Variants in CALD1 observed in about 807,000 individuals in gnomAD.
The protein encoded by CALD1 is caldesmon.
Under a neutral mutation model 99.9 loss-of-function variants are expected in CALD1, and 33 were observed. The observed-to-expected ratio is 0.33, with a 90% CI of 0.25 to 0.44. CALD1 has a LOEUF of 0.44. Ranked by LOEUF, CALD1 falls within the 20% of genes least tolerant of loss-of-function variation. The probability of loss-of-function intolerance (pLI) is 1.00; values close to 1 mark genes in which losing one functional copy is unlikely to be tolerated. For synonymous variants in CALD1, 310 were observed against 325.0 expected (o/e 0.95, Z 0.50); for missense variants, 861 against 962.1 (o/e 0.89, Z 1.39).
intron 2 of CALD1, among the ~76,000 whole-genome samples, chr7:134,861,890 G>A (rs1167214871): frequency 1.3e-5 from 2 of 152,168 alleles, no homozygotes; most frequent in Non-Finnish European, 2.9e-5. Flanking sequence ...TGGGTTAGAG[G>A]AGGAAGATGT....
chr7:134,959,516 A>AT (rs1053203622), intron 11 of CALD1, among the ~76,000 whole-genome samples: 21 of 151,996 alleles, frequency 1.4e-4, no homozygotes, highest in East Asian at 7.7e-4. Flanking sequence ...TAATTTTTTC[A>AT]TTTTTTTCTC....
At chr7:134,797,635 C>T (rs2131820312) in intron 1 of CALD1, among the ~76,000 whole-genome samples, 1 of 152,248 alleles carries the variant, frequency 6.6e-6, no homozygotes, top group South Asian at 2.1e-4. Context: ...GCTCTGTGGC[C>T]AGGCTGGAGT....
At position 134,891,523 on chromosome 7, in the gene CALD1, T is replaced by C. The variant is rs977966716; in HGVS notation, c.71+23719T>C. Reference sequence around the variant, plus strand: ...CTGCACCGTGCATTTCAGCCACAGATCACATGGCCCCTCCGCGGGCCCAGC... The same window carrying C: ...CTGCACCGTGCATTTCAGCCACAGACCACATGGCCCCTCCGCGGGCCCAGC... On this transcript the variant is annotated intron_variant, in intron 3 of 14. Coordinates refer to ENST00000361675, the MANE Select transcript of CALD1 (RefSeq NM_033138.4). 7.3e-6 allele frequency: 11 copies of C among 1,509,938 alleles called. No individual in the cohort carries two copies. In the South Asian group the frequency reaches 1.0e-4, roughly 14 times the overall value. 93.5% of individuals were successfully genotyped at this position (1,509,938 alleles called of 1,614,324 possible).
intron 3 of CALD1, among the ~76,000 whole-genome samples, chr7:134,873,246 T>G (rs1801189907): frequency 6.6e-6 from 1 of 152,002 alleles, no homozygotes; most frequent in Non-Finnish European, 1.5e-5. Context: ...ATATTCTGCT[T>G]CCCTTTCTGT....
chr7:134,820,541 T>A (rs1316724942), intron 1 of CALD1, among the ~76,000 whole-genome samples: 1 of 152,238 alleles, frequency 6.6e-6, no homozygotes, highest in African/African-American at 2.4e-5. Flanking sequence ...AACGTCATAT[T>A]ACAAGGAGAA....
chr7:134,921,294 C>T (rs1804602654), intron 3 of CALD1, among the ~76,000 whole-genome samples: 1 of 152,162 alleles, frequency 6.6e-6, no homozygotes, highest in South Asian at 2.1e-4. Context: ...TTTTATAAAA[C>T]ACTTTATCAA....
At chr7:134,898,259 G>A (rs1005223998) in intron 3 of CALD1, among the ~76,000 whole-genome samples, 16 of 152,212 alleles carry the variant, frequency 1.1e-4, no homozygotes, top group African/African-American at 3.9e-4. Context: ...CACAGGGTGA[G>A]CAAGAACATC....
intron 3 of CALD1, among the ~76,000 whole-genome samples, chr7:134,907,352 T>C (rs1803466570): frequency 6.6e-6 from 1 of 151,726 alleles, no homozygotes; most frequent in South Asian, 2.1e-4. Flanking sequence ...GTAGAGAAAG[T>C]AGCCCTGTAA....
At chr7:134,845,700 G>T (rs1799823992) in intron 2 of CALD1, among the ~76,000 whole-genome samples, 1 of 152,242 alleles carries the variant, frequency 6.6e-6, no homozygotes, top group Non-Finnish European at 1.5e-5. Context: ...GCAGGAAGCA[G>T]CAGTGTGTCA....
At chr7:134,773,660 G>A (rs780428034) in intron 1 of CALD1, among the ~76,000 whole-genome samples, 80 of 152,150 alleles carry the variant, frequency 5.3e-4, no homozygotes, top group Admixed American at 3.5e-3. Flanking sequence ...TCTGTTCTCT[G>A]AAAGTGCCTT....
At chr7:134,772,087 T>C (rs570431553) in intron 1 of CALD1, among the ~76,000 whole-genome samples, 7 of 140,066 alleles carry the variant, frequency 5.0e-5, no homozygotes, top group African/African-American at 1.6e-4. Flanking sequence ...AATCAAAGAA[T>C]AAATGAACTT....
intron 1 of CALD1, among the ~76,000 whole-genome samples, chr7:134,832,605 C>G (rs1271570895): frequency 6.6e-6 from 1 of 152,152 alleles, no homozygotes; most frequent in Admixed American, 6.5e-5. Flanking sequence ...GTTCAAACAG[C>G]CTAAGAACAT....
chr7:134,939,312 G>A (rs567492801), intron 6 of CALD1, among the ~76,000 whole-genome samples: 53 of 152,262 alleles, frequency 3.5e-4, no homozygotes, highest in Non-Finnish European at 5.4e-4. Flanking sequence ...TGAAAAATTC[G>A]GAAGGAATCA....
At chr7:134,925,648 TTCAC>T (rs974018615) in intron 3 of CALD1, among the ~76,000 whole-genome samples, 6 of 151,978 alleles carry the variant, frequency 3.9e-5, no homozygotes, top group African/African-American at 1.5e-4. Flanking sequence ...CTTGAGAGAA[TTCAC>T]TCACTGTCAC....
At chr7:134,919,799 A>G (rs186371561) in intron 3 of CALD1, among the ~76,000 whole-genome samples, 128 of 152,236 alleles carry the variant, frequency 8.4e-4, no homozygotes, top group African/African-American at 2.8e-3. Context: ...TTTCCATGAA[A>G]ATTTTTTTTC....
At chr7:134,827,644 G>C (rs1246128886) in intron 1 of CALD1, among the ~76,000 whole-genome samples, 1 of 152,250 alleles carries the variant, frequency 6.6e-6, no homozygotes, top group Non-Finnish European at 1.5e-5. Flanking sequence ...ACAGGAAAGA[G>C]TGAGGACCAT....
intron 3 of CALD1, among the ~76,000 whole-genome samples, chr7:134,908,668 T>A (rs1362634939): frequency 6.6e-6 from 1 of 152,204 alleles, no homozygotes; most frequent in Admixed American, 6.5e-5. Flanking sequence ...TCTTAGGCAC[T>A]TCTCCAGGCA....
intron 1 of CALD1, among the ~76,000 whole-genome samples, chr7:134,807,198 T>C (rs1798175804): frequency 6.6e-6 from 1 of 152,148 alleles, no homozygotes; most frequent in Admixed American, 6.5e-5. Context: ...AAAATGGAAA[T>C]ATTGCTCCTT....
At chr7:134,833,118 T>C (rs1799297420) in intron 1 of CALD1, among the ~76,000 whole-genome samples, 1 of 152,206 alleles carries the variant, frequency 6.6e-6, no homozygotes, top group African/African-American at 2.4e-5. Context: ...CCAACAGTTA[T>C]TTGGTGGCAA....
Sources: allele counts gnomAD v4.1 joint callset (sites outside exome capture counted in the v4.1 genomes callset), GRCh38; gene constraint gnomAD v4.1.1; transcripts MANE v1.5; gene names NCBI Gene and HGNC (gene_info 2026-07-23, HGNC 2026-07-21).